BCAS3: variants seen among roughly 807,000 people sequenced by gnomAD.
BCAS3 encodes the protein BCAS4/BCAS3 fusion.
In BCAS3, 53 loss-of-function variants were observed where a neutral mutation model predicts 116.1. The ratio of observed to expected loss-of-function variants is 0.46; its 90% confidence interval spans 0.37 to 0.57. The LOEUF is 0.57. BCAS3 is among the 20% of genes least tolerant of loss of function. The probability of loss-of-function intolerance (pLI) is 0.00; values close to 1 mark genes in which losing one functional copy is unlikely to be tolerated. For missense variants in BCAS3, 917 were observed against 1,165.4 expected, an observed-to-expected ratio of 0.79 and a Z score of 3.10; for synonymous variants, 391 against 408.2, an observed-to-expected ratio of 0.96 and a Z score of 0.51.
chr17:60,862,335 G>C (rs1599248079), intron 7 of BCAS3, among the ~76,000 whole-genome samples: 1 of 152,182 alleles, frequency 6.6e-6, no homozygotes, highest in East Asian at 1.9e-4. Flanking sequence ...GAATGAGTTA[G>C]GGGGAATCTC....
At chr17:61,225,952 T>A (rs2082349008) in intron 22 of BCAS3, among the ~76,000 whole-genome samples, 1 of 152,228 alleles carries the variant, frequency 6.6e-6, no homozygotes, top group South Asian at 2.1e-4. Flanking sequence ...GAAACAATAC[T>A]GTTTTCCGCT....
Position 61,344,883 on chromosome 17 carries a change from T to G in BCAS3, c.2426-23444T>G, listed in dbSNP as rs1235021345. On this transcript the variant is annotated intron_variant, in intron 22 of 23. Coordinates refer to ENST00000407086, the MANE Select transcript of BCAS3 (RefSeq NM_017679.5). The surrounding 1 kb of genome is among the most constrained non-coding windows in gnomAD (Gnocchi z 4.1). The stretch of plus-strand genomic sequence containing the variant: ...CACTCCAGCCCCTTGTTTGCCACCA[T>G]GGACAGGTATTTTATGATTCCTGGA... Among the ~76,000 whole-genome samples the G allele has an allele frequency of 6.6e-6, 1 of 151,886 alleles. No homozygotes were observed. The highest frequency in any genetic ancestry group is 1.5e-5 in the Non-Finnish European group (1 of 67,966).
intron 12 of BCAS3, among the ~76,000 whole-genome samples, chr17:60,916,837 A>G (rs754961144): frequency 1.3e-5 from 2 of 152,156 alleles, no homozygotes; most frequent in Non-Finnish European, 2.9e-5. Flanking sequence ...TATGTGAAGA[A>G]CTCTTATAAC....
Position 61,244,862 on chromosome 17 carries a change from C to CA in BCAS3, c.2426-123457dup, listed in dbSNP as rs926901484. Among the ~76,000 whole-genome samples the CA allele has an allele frequency of 1.3e-5, 2 of 150,912 alleles. No homozygotes were observed. Among genetic ancestry groups the CA allele is most frequent in the Non-Finnish European group, 1.5e-5 (1 of 67,818 alleles). On this transcript the variant is annotated intron_variant, in intron 22 of 23. Coordinates refer to ENST00000407086, the MANE Select transcript of BCAS3 (RefSeq NM_017679.5). This position sits in a 1 kb window ranked among gnomAD's most constrained non-coding sequence, Gnocchi z 4.9. ...TGAGCAACAGAGTGAGACTCCGTCTCAAAAAAAATAAATAAATAAAAAAGG... is the reference window on the plus strand; with the variant it reads ...TGAGCAACAGAGTGAGACTCCGTCTCAAAAAAAAATAAATAAATAAAAAAGG...
At chr17:60,851,601 G>A (rs980999081) in intron 7 of BCAS3, 1 of 642,438 alleles carries the variant, frequency 1.6e-6, no homozygotes, top group Non-Finnish European at 2.9e-6. Flanking sequence ...AAACGAGGAA[G>A]TACAAATAAA....
intron 22 of BCAS3, among the ~76,000 whole-genome samples, chr17:61,193,612 C>T (rs1460561799): frequency 1.3e-5 from 2 of 151,840 alleles, no homozygotes; most frequent in Admixed American, 1.3e-4. Flanking sequence ...ACAAAATTAG[C>T]TGGGTGTCGT....
Position 61,227,912 on chromosome 17 carries a change from C to G in BCAS3, c.2426-140415C>G, listed in dbSNP as rs1348641942. ...AGGTGATGCAGTGGGGTTGGCAGCACTTTTCCTATTACTTGGGAGTGAACC... is the reference window on the plus strand; with the variant it reads ...AGGTGATGCAGTGGGGTTGGCAGCAGTTTTCCTATTACTTGGGAGTGAACC... On this transcript the variant is annotated intron_variant, in intron 22 of 23. Coordinates refer to ENST00000407086, the MANE Select transcript of BCAS3 (RefSeq NM_017679.5). This position sits in a 1 kb window ranked among gnomAD's most constrained non-coding sequence, Gnocchi z 6.1. Among the ~76,000 whole-genome samples the G allele has an allele frequency of 6.6e-6, 1 of 152,170 alleles. No individual in the cohort carries two copies. Among genetic ancestry groups the G allele is most frequent in the African/African-American group, 2.4e-5 (1 of 41,438 alleles).
chr17:60,996,894 TGACA>T (rs200893968), intron 15 of BCAS3, among the ~76,000 whole-genome samples: 1,554 of 152,318 alleles, frequency 0.01, 32 homozygotes, highest in African/African-American at 0.036. Context: ...TAAATTCTAC[TGACA>T]GATCAATGAA....
intron 14 of BCAS3, among the ~76,000 whole-genome samples, chr17:60,948,352 CT>C (rs1283321825): frequency 6.6e-6 from 1 of 152,110 alleles, no homozygotes; most frequent in Non-Finnish European, 1.5e-5. Context: ...TCTCAAACTC[CT>C]GGCCTCGTGA....
At chr17:61,255,143 A>G (rs542878431) in intron 22 of BCAS3, among the ~76,000 whole-genome samples, 21 of 152,304 alleles carry the variant, frequency 1.4e-4, no homozygotes, top group Admixed American at 1.2e-3. Flanking sequence ...GAAGTTTCAC[A>G]TGTTGCTCTT....
At chr17:61,066,042 A>G (rs574659271) in intron 19 of BCAS3, among the ~76,000 whole-genome samples, 1 of 152,368 alleles carries the variant, frequency 6.6e-6, no homozygotes, top group South Asian at 2.1e-4. Flanking sequence ...ATATAAAACT[A>G]GGTACCATTA....
In BCAS3 at chr17:61,065,288, A is replaced by C. The variant is rs2070492415; in HGVS notation, c.2030-9632A>C. On this transcript the variant is annotated intron_variant, in intron 19 of 23. Coordinates refer to ENST00000407086, the MANE Select transcript of BCAS3 (RefSeq NM_017679.5). This position sits in a 1 kb window ranked among gnomAD's most constrained non-coding sequence, Gnocchi z 4.8. ...TATTTGTCTTCTGAACCTTTGTTTT[A>C]AAATGGCAAATTTTAGTTTCTATAC... 6.6e-6 allele frequency among the ~76,000 whole-genome samples: 1 copy of C among 152,154 alleles called. No individual in the cohort carries two copies. Among genetic ancestry groups the C allele is most frequent in the Non-Finnish European group, 1.5e-5 (1 of 68,022 alleles).
intron 22 of BCAS3, among the ~76,000 whole-genome samples, chr17:61,163,144 G>C (rs2078260822): frequency 6.6e-6 from 1 of 152,208 alleles, no homozygotes; most frequent in Non-Finnish European, 1.5e-5. Flanking sequence ...GTGGTTTTAG[G>C]CCAGGCCTGG....
rs2063740162 is a variant in BCAS3 at position 60,994,883 on chromosome 17, T to C, written c.1486+4648T>C. ...CATATTATAATATGCAGGTTATTCATTGACATGTCTGGGCTTCCTATTAGA... is the reference window on the plus strand; with the variant it reads ...CATATTATAATATGCAGGTTATTCACTGACATGTCTGGGCTTCCTATTAGA... On this transcript the variant is annotated intron_variant, in intron 15 of 23. Transcript: ENST00000407086. This position sits in a 1 kb window ranked among gnomAD's most constrained non-coding sequence, Gnocchi z 4.4. Among the ~76,000 whole-genome samples the C allele has an allele frequency of 6.6e-6, 1 of 152,240 alleles. No individual in the cohort carries two copies. Among genetic ancestry groups the C allele is most frequent in the Admixed American group, 6.5e-5 (1 of 15,282 alleles).
intron 14 of BCAS3, among the ~76,000 whole-genome samples, chr17:60,959,480 C>T (rs1321250030): frequency 9.9e-5 from 15 of 152,072 alleles, no homozygotes; most frequent in Non-Finnish European, 4.4e-5. Flanking sequence ...GTCCACAATA[C>T]CTTTAAAGAA....
intron 10 of BCAS3, among the ~76,000 whole-genome samples, chr17:60,890,922 G>A (rs1173228304): frequency 6.6e-6 from 1 of 152,100 alleles, no homozygotes; most frequent in Non-Finnish European, 1.5e-5. Flanking sequence ...CCTCTGGAAT[G>A]TACAAAAATC....
chr17:61,036,974 A>G (rs1026833221), intron 17 of BCAS3, among the ~76,000 whole-genome samples: 4 of 152,274 alleles, frequency 2.6e-5, no homozygotes, highest in East Asian at 1.9e-4. Context: ...AGATTTTTCC[A>G]TATATACCTT....
chr17:60,957,535 A>C (rs952296895), intron 14 of BCAS3, among the ~76,000 whole-genome samples: 1 of 152,156 alleles, frequency 6.6e-6, no homozygotes, highest in Non-Finnish European at 1.5e-5. Flanking sequence ...TTGAGATATA[A>C]TTTACATACT....
At chr17:61,120,757 TAAC>T (rs1414110708) in intron 22 of BCAS3, among the ~76,000 whole-genome samples, 2 of 152,158 alleles carry the variant, frequency 1.3e-5, no homozygotes, top group Admixed American at 6.5e-5. Context: ...CTGAGAAGAT[TAAC>T]AATAATAATG....
Sources: gnomAD v4.1 joint callset for allele counts (sites outside exome capture counted in the v4.1 genomes callset) on GRCh38, gnomAD v4.1.1 for gene constraint, Gnocchi (gnomAD v3.1) non-coding constraint, MANE v1.5 for transcripts, NCBI Gene and HGNC (gene_info 2026-07-23, HGNC 2026-07-21) for gene names.